Variants in LRP1B observed in about 807,000 individuals in gnomAD.
The protein encoded by LRP1B is low-density lipoprotein receptor-related protein 1B.
In LRP1B, 217 loss-of-function variants were observed where a neutral mutation model predicts 556.6. The observed-to-expected ratio is 0.39, with a 90% CI of 0.35 to 0.44. LRP1B has a LOEUF of 0.44. Among genes scored for constraint, LRP1B ranks in the 20% least tolerant of loss-of-function variants. The pLI is 1.00. For missense variants in LRP1B, 5,053 were observed against 5,620.8 expected (o/e 0.90, Z 3.23); for synonymous variants, 2,047 against 1,865.8 (o/e 1.10, Z -2.50).
chr2:140,864,918 GA>G (rs1692903900), intron 27 of LRP1B, among the ~76,000 whole-genome samples: 1 of 152,010 alleles, frequency 6.6e-6, no homozygotes, highest in African/African-American at 2.4e-5. Context: ...TCATGAATCT[GA>G]AATAAAACTA....
intron 1 of LRP1B, among the ~76,000 whole-genome samples, chr2:141,921,086 T>G (rs1301207881): frequency 6.6e-6 from 1 of 152,058 alleles, no homozygotes; most frequent in Non-Finnish European, 1.5e-5. Context: ...GAAGCTATGT[T>G]CTTTTGATAA....
At chr2:141,681,701 TA>T (rs1246230152) in intron 2 of LRP1B, among the ~76,000 whole-genome samples, 2 of 152,176 alleles carry the variant, frequency 1.3e-5, no homozygotes, top group Non-Finnish European at 2.9e-5. Context: ...GCCGAAAGAA[TA>T]CTTGATAGAG....
chr2:140,597,177 G>A (rs1682474956), intron 43 of LRP1B, among the ~76,000 whole-genome samples: 1 of 151,962 alleles, frequency 6.6e-6, no homozygotes, highest in African/African-American at 2.4e-5. Context: ...CTAACTTCGG[G>A]GCCCAATCAG....
chr2:140,604,785 G>C (rs1027015672), intron 41 of LRP1B, among the ~76,000 whole-genome samples: 1 of 151,700 alleles, frequency 6.6e-6, no homozygotes, highest in African/African-American at 2.4e-5. Flanking sequence ...CCCAGTCGGG[G>C]GTAATTGAAT....
intron 11 of LRP1B, among the ~76,000 whole-genome samples, chr2:141,043,577 C>G (rs1343374441): frequency 6.6e-6 from 1 of 151,810 alleles, no homozygotes; most frequent in Non-Finnish European, 1.5e-5. Context: ...ATATTCAAAT[C>G]TAGGTAAAAA....
At chr2:141,013,825 AATAAGT>A (rs1367468954) in intron 13 of LRP1B, 80 bp from the exon 14 acceptor site, 2 of 782,440 alleles carry the variant, frequency 2.6e-6, no homozygotes, top group Non-Finnish European at 3.9e-6. Flanking sequence ...AGTGATATTC[AATAAGT>A]ATAACAGATA....
chr2:140,295,407 A>C (rs1399996547), intron 84 of LRP1B, among the ~76,000 whole-genome samples: 1 of 152,212 alleles, frequency 6.6e-6, no homozygotes, highest in Non-Finnish European at 1.5e-5. Flanking sequence ...CTTCTGCAGA[A>C]GAAGTCCCTC....
At chr2:141,269,865 A>G (rs993968176) in intron 3 of LRP1B, among the ~76,000 whole-genome samples, 4 of 152,172 alleles carry the variant, frequency 2.6e-5, no homozygotes, top group Non-Finnish European at 4.4e-5. Context: ...GCTATTATAA[A>G]TACATTTAAA....
intron 2 of LRP1B, among the ~76,000 whole-genome samples, chr2:141,543,641 C>G (rs1048967735): frequency 6.6e-6 from 1 of 151,336 alleles, no homozygotes; most frequent in African/African-American, 2.4e-5. Context: ...AGGAGGATTG[C>G]TTGAGCCCAG....
chr2:141,022,562 A>G (rs1246924265), intron 11 of LRP1B, among the ~76,000 whole-genome samples: 5 of 151,956 alleles, frequency 3.3e-5, no homozygotes, highest in Admixed American at 1.3e-4. Context: ...CATATAGAAC[A>G]TCAGTCTTAT....
intron 71 of LRP1B, among the ~76,000 whole-genome samples, chr2:140,366,009 A>C (rs932795645): frequency 7.3e-5 from 11 of 151,700 alleles, no homozygotes. Flanking sequence ...TTGTTACACA[A>C]ATCTCTGATA....
intron 36 of LRP1B, among the ~76,000 whole-genome samples, chr2:140,716,323 A>T (rs1457010702): frequency 1.3e-5 from 2 of 152,068 alleles, no homozygotes; most frequent in Non-Finnish European, 2.9e-5. Context: ...CCATATAATG[A>T]TATATTTACA....
At chr2:141,767,602 C>A (rs1214210675) in intron 2 of LRP1B, among the ~76,000 whole-genome samples, 1 of 152,104 alleles carries the variant, frequency 6.6e-6, no homozygotes, top group Non-Finnish European at 1.5e-5. Context: ...CTCACTCTTT[C>A]CCTCAGGTTG....
At chr2:140,618,451 T>C (rs975373867) in intron 41 of LRP1B, among the ~76,000 whole-genome samples, 1 of 152,074 alleles carries the variant, frequency 6.6e-6, no homozygotes, top group African/African-American at 2.4e-5. Flanking sequence ...TTAGAAAGAA[T>C]TGTGTGATAG....
At chr2:141,194,615 G>T (rs1282867696) in intron 6 of LRP1B, among the ~76,000 whole-genome samples, 1 of 152,056 alleles carries the variant, frequency 6.6e-6, no homozygotes, top group Non-Finnish European at 1.5e-5. Context: ...AAACCTATCT[G>T]CAACCATATT....
intron 60 of LRP1B, among the ~76,000 whole-genome samples, chr2:140,474,067 C>A (rs376029701): frequency 6.6e-6 from 1 of 152,050 alleles, no homozygotes; most frequent in African/African-American, 2.4e-5. Flanking sequence ...TCCAACTACA[C>A]TCTTTGTATT....
intron 40 of LRP1B, among the ~76,000 whole-genome samples, chr2:140,700,844 T>C (rs1686612565): frequency 6.6e-6 from 1 of 152,148 alleles, no homozygotes; most frequent in Non-Finnish European, 1.5e-5. Flanking sequence ...GTCTGTTTCA[T>C]TCACCATCCA....
intron 67 of LRP1B, among the ~76,000 whole-genome samples, chr2:140,384,562 G>A (rs887829926): frequency 2.6e-5 from 4 of 152,124 alleles, no homozygotes; most frequent in Non-Finnish European, 5.9e-5. Context: ...TCTATATTCA[G>A]GGTATTCTGT....
At chr2:140,347,428 C>T (rs1349474891) in intron 77 of LRP1B, among the ~76,000 whole-genome samples, 1 of 150,176 alleles carries the variant, frequency 6.7e-6, no homozygotes, top group Non-Finnish European at 1.5e-5. Context: ...TAACCATTTT[C>T]ATAGATCACA....
Sources: gnomAD v4.1 joint callset for allele counts (sites outside exome capture counted in the v4.1 genomes callset) on GRCh38, gnomAD v4.1.1 for gene constraint, MANE v1.5 for transcripts, NCBI Gene and HGNC (gene_info 2026-07-23, HGNC 2026-07-21) for gene names.